Variants in PGAP2 observed in about 807,000 individuals in gnomAD.
PGAP2 encodes acyltransferase PGAP2.
PGAP2 carries 21 observed loss-of-function variants against 33.2 expected under a neutral mutation model. That is an observed-to-expected ratio of 0.63 (90% CI 0.45 to 0.91). The LOEUF is 0.91. Among genes scored for constraint, PGAP2 ranks in the 40% least tolerant of loss-of-function variants. The pLI is 0.00. For missense variants in PGAP2, 345 were observed against 424.0 expected (o/e 0.81, Z 1.64); for synonymous variants, 161 against 172.9 (o/e 0.93, Z 0.54).
At position 3,811,533 on chromosome 11, in the gene PGAP2, C is replaced by A; in HGVS notation, c.165+109C>A. 1 of 1,046,418 alleles carries A rather than the reference C, an allele frequency of 9.6e-7. No homozygotes were observed. Among genetic ancestry groups the A allele is most frequent in the Non-Finnish European group, 1.4e-6 (1 of 735,714 alleles). The allele number at this position is 1,046,418 out of a possible 1,614,324, so 64.8% of individuals were successfully genotyped here. On this transcript the variant is annotated intron_variant, in intron 2 of 6. Transcript: ENST00000278243. The surrounding 1 kb of genome is among the most constrained non-coding windows in gnomAD (Gnocchi z 4.6). ...CAGCTCTCCACTGGGGCCCATCAAA[C>A]ATACGGGGCTGCTGGGGGGATGCCT...
At chr11:3,800,299 C>T (rs899906127) in intron 1 of PGAP2, among the ~76,000 whole-genome samples, 4 of 152,144 alleles carry the variant, frequency 2.6e-5, no homozygotes, top group South Asian at 2.1e-4. Context: ...ATTTTTAAGG[C>T]TCTCTTCTAC....
Position 3,811,800 on chromosome 11 carries a change from A to G in PGAP2, c.165+376A>G, listed in dbSNP as rs1455057655. Among the ~76,000 whole-genome samples the G allele has an allele frequency of 6.6e-6, 1 of 152,078 alleles. No homozygotes were observed. Among genetic ancestry groups the G allele is most frequent in the Non-Finnish European group, 1.5e-5 (1 of 68,024 alleles). The stretch of plus-strand genomic sequence containing the variant: ...GAGCCAAATCCTTACTTCATAGAAG[A>G]GCAGATTCTGGAACCCCAGGGTTTC... On this transcript the variant is annotated intron_variant, in intron 2 of 6. Coordinates refer to ENST00000278243, the MANE Select transcript of PGAP2 (RefSeq NM_014489.4). This position sits in a 1 kb window ranked among gnomAD's most constrained non-coding sequence, Gnocchi z 4.6.
At chr11:3,805,037 A>G (rs1194170184), upstream of PGAP2, among the ~76,000 whole-genome samples, 7 of 152,254 alleles carry the variant, frequency 4.6e-5, 1 homozygote, top group East Asian at 1.4e-3. Flanking sequence ...CTTCCCTCAC[A>G]TAAATCAAGG....
At chr11:3,814,889 C>T (rs1404960003) in intron 2 of PGAP2, among the ~76,000 whole-genome samples, 1 of 146,214 alleles carries the variant, frequency 6.8e-6, no homozygotes, top group African/African-American at 2.5e-5. Flanking sequence ...CCTTTCCTTC[C>T]CTTTCCCTTT....
intron 2 of PGAP2, among the ~76,000 whole-genome samples, chr11:3,812,145 A>G (rs2085713571): frequency 6.6e-6 from 1 of 152,068 alleles, no homozygotes; most frequent in Non-Finnish European, 1.5e-5. Flanking sequence ...ATGTAAGACC[A>G]CTTTCTCTAG....
chr11:3,809,068 CCTACCT>C (rs2085023842), intron 1 of PGAP2, among the ~76,000 whole-genome samples: 1 of 152,178 alleles, frequency 6.6e-6, no homozygotes, highest in African/African-American at 2.4e-5. Flanking sequence ...GGCTGTAGCA[CCTACCT>C]CATAGAATTA....
Position 3,824,323 on chromosome 11 carries a change from C to A in PGAP2, c.655C>A (p.Leu219Ile). ...CATTGCCTCATCCCTCGGGCACATGCTCCTCACCTGCATTCTCTGGCGGTT... is the reference window on the plus strand; with the variant it reads ...CATTGCCTCATCCCTCGGGCACATGATCCTCACCTGCATTCTCTGGCGGTT... ...VFIASSLGHM[L>I]LTCILWRLTK... The change falls in exon 5 of 7, where the codon CTC (leucine) becomes ATC (isoleucine). Residue 219 changes from leucine to isoleucine, a missense_variant. Coordinates refer to ENST00000278243, the MANE Select transcript of PGAP2 (RefSeq NM_014489.4). 6.2e-7 allele frequency: 1 copy of A among 1,614,240 alleles called. No individual in the cohort carries two copies.
At chr11:3,808,482 C>A, upstream of PGAP2, 1 of 1,431,026 alleles carries the variant, frequency 7.0e-7, no homozygotes, top group Non-Finnish European at 9.2e-7. Context: ...TCTCCAGAAG[C>A]GGGGAGGAGC....
intron 4 of PGAP2, 55 bp from the exon 5 acceptor site, chr11:3,824,215 A>G: frequency 1.2e-6 from 2 of 1,612,184 alleles, no homozygotes; most frequent in South Asian, 2.2e-5. Context: ...GGACCTTCCT[A>G]CTTCGTGGTG....
At chr11:3,813,692 T>C (rs1257876572) in intron 2 of PGAP2, among the ~76,000 whole-genome samples, 1 of 151,974 alleles carries the variant, frequency 6.6e-6, no homozygotes, top group Non-Finnish European at 1.5e-5. Flanking sequence ...CCAGAAAGTG[T>C]TGGTTGAATA....
intron 4 of PGAP2, 40 bp downstream of exon 4, chr11:3,824,175 T>G: frequency 6.2e-7 from 1 of 1,613,184 alleles, no homozygotes; most frequent in East Asian, 2.2e-5. Context: ...AAGTGTTCCC[T>G]GAGGGGACGG....
chr11:3,812,568 T>C (rs573305717), intron 2 of PGAP2, among the ~76,000 whole-genome samples: 3 of 152,226 alleles, frequency 2.0e-5, no homozygotes, highest in Admixed American at 2.0e-4. Context: ...AGGAAGAGAC[T>C]GTCAGGTTGG....
At chr11:3,817,679 A>T in intron 3 of PGAP2, 144 bp downstream of exon 3, 1 of 734,600 alleles carries the variant, frequency 1.4e-6, no homozygotes. Context: ...AGTCAGAGTC[A>T]GAGATAATTC....
At chr11:3,805,694 CCTT>C (rs1220842250), upstream of PGAP2, among the ~76,000 whole-genome samples, 3 of 150,754 alleles carry the variant, frequency 2.0e-5, no homozygotes, top group African/African-American at 4.9e-5. Flanking sequence ...GACAGTGAGA[CCTT>C]TTTTTTTTGA....
chr11:3,811,506 GCCAGCTCT>G lies in PGAP2; in HGVS notation c.165+86_165+93del. ...TCTTGAATATCTTTTAACAAGATTA[GCCAGCTCT>G]CCACTGGGGCCCATCAAACATACGG... On this transcript the variant is annotated intron_variant, in intron 2 of 6. Coordinates refer to ENST00000278243, the MANE Select transcript of PGAP2 (RefSeq NM_014489.4). This position sits in a 1 kb window ranked among gnomAD's most constrained non-coding sequence, Gnocchi z 4.6. The G allele has an allele frequency of 1.5e-6, 2 of 1,349,236 alleles. No homozygotes were observed. The highest frequency in any genetic ancestry group is 2.0e-6 in the Non-Finnish European group (2 of 985,694). 83.6% of individuals were successfully genotyped at this position (1,349,236 alleles called of 1,614,324 possible). A position where few individuals can be genotyped will look rare whatever the true frequency, so the allele number is the denominator to read the frequency against.
chr11:3,818,326 CA>C (rs5789309), intron 3 of PGAP2, among the ~76,000 whole-genome samples: 63,224 of 97,514 alleles, frequency 0.65, 19,475 homozygotes, highest in Non-Finnish European at 0.76. Flanking sequence ...AAGATCGTGC[CA>C]AAAAAAAAAA....
At chr11:3,824,688 A>C (rs2089679912) in intron 5 of PGAP2, 1 of 852,032 alleles carries the variant, frequency 1.2e-6, no homozygotes, top group African/African-American at 1.7e-5. Flanking sequence ...CTGGTCTGTC[A>C]TAATTCCAGC....
At chr11:3,822,525 T>A (rs1229909590) in intron 3 of PGAP2, among the ~76,000 whole-genome samples, 1 of 151,830 alleles carries the variant, frequency 6.6e-6, no homozygotes, top group Non-Finnish European at 1.5e-5. Context: ...AGCCTGCTAC[T>A]CAGGAGGCTG....
chr11:3,822,782 T>G (rs2134978825), intron 3 of PGAP2: 1 of 542,080 alleles, frequency 1.8e-6, no homozygotes, highest in East Asian at 3.1e-5. Context: ...TAAGAGAGCC[T>G]CTTCCCATCT....
Sources: allele counts gnomAD v4.1 joint callset (sites outside exome capture counted in the v4.1 genomes callset), GRCh38; gene constraint gnomAD v4.1.1; non-coding constraint Gnocchi (gnomAD v3.1); transcripts MANE v1.5; gene names NCBI Gene and HGNC (gene_info 2026-07-23, HGNC 2026-07-21).